TRIM10: variants seen among roughly 807,000 people sequenced by gnomAD.
TRIM10 encodes tripartite motif-containing protein 10.
A neutral mutation model predicts 40.0 loss-of-function variants in TRIM10; 42 were observed. That is an observed-to-expected ratio of 1.05 (90% CI 0.82 to 1.36). TRIM10 has a LOEUF of 1.36. Ranked by LOEUF, TRIM10 falls within the 40% of genes most tolerant of loss-of-function variation. The pLI is 0.00. For missense variants in TRIM10, 601 were observed against 608.3 expected (o/e 0.99, Z 0.13); for synonymous variants, 260 against 239.5 (o/e 1.09, Z -0.79).
rs1250724365 is a variant in TRIM10, at chr6:30,159,180, T to C, written c.495A>G (p.Ser165=). ...GGACTTGCATCCTTTTATTTTCTCT[T>C]GACTGGATTTCTTGAATCTCCTCTC... is the stretch of plus-strand genomic sequence containing the variant. ...KEREEIQEIQ[S]RENKRMQVLL... is the part of the protein sequence containing the mutation. The change falls in exon 2 of 7, where the codon TCA becomes TCG. Residue 165 remains serine (S), a synonymous_variant. Coordinates refer to ENST00000449742, the MANE Select transcript of TRIM10 (RefSeq NM_006778.4). 2 of 1,612,122 alleles carry C rather than the reference T, an allele frequency of 1.2e-6. No individual in the cohort carries two copies. Among genetic ancestry groups the C allele is most frequent in the Non-Finnish European group, 1.7e-6 (2 of 1,179,276 alleles).
upstream of TRIM10, chr6:30,163,674 A>G: frequency 1.9e-6 from 3 of 1,592,240 alleles, no homozygotes; most frequent in Non-Finnish European, 2.6e-6. Context: ...CGGGCTGGGG[A>G]AGGCACCGTG....
At chr6:30,163,943 G>A (rs758973481), upstream of TRIM10, 4 of 1,613,024 alleles carry the variant, frequency 2.5e-6, no homozygotes, top group Non-Finnish European at 3.4e-6. Flanking sequence ...CGAGGAGCAC[G>A]GCGAGAAGAT....
At chr6:30,162,733 G>A (rs1374930842), upstream of TRIM10, among the ~76,000 whole-genome samples, 1 of 152,076 alleles carries the variant, frequency 6.6e-6, no homozygotes, top group Non-Finnish European at 1.5e-5. Context: ...CATTTGGAAA[G>A]TCAGTTTACA....
chr6:30,154,238 C>T lies in TRIM10; in HGVS notation c.1177G>A (p.Glu393Lys), dbSNP rs759272791. The stretch of plus-strand genomic sequence containing the variant: ...CCCTCCTCTGGCCGCAGCCGAAGCT[C>T]CCCCTTCCGCTGCACATCCTCGCTC... ...VVSEDVQRKG[E>K]LRLRPEEGVW... The change falls in exon 7 of 7, where the codon GAG becomes AAG. Residue 393 changes from glutamate to lysine, a missense_variant. Glu to Lys is a moderately conservative substitution (Grantham distance 56). Coordinates refer to ENST00000449742, the MANE Select transcript of TRIM10 (RefSeq NM_006778.4). The T allele has an allele frequency of 3.7e-6, 6 of 1,612,962 alleles. No individual in the cohort carries two copies. The highest frequency in any genetic ancestry group is 4.2e-6 in the Non-Finnish European group (5 of 1,179,974).
At chr6:30,163,691 G>T (rs201508191), upstream of TRIM10, 4 of 1,605,172 alleles carry the variant, frequency 2.5e-6, no homozygotes, top group Non-Finnish European at 2.6e-6. Flanking sequence ...CGTGATGCCC[G>T]CAACCCCGTC....
chr6:30,163,869 A>G (rs755343917), upstream of TRIM10: 2 of 1,612,848 alleles, frequency 1.2e-6, no homozygotes, highest in East Asian at 4.5e-5. Context: ...CTCTGCCAAG[A>G]GGAGGAGCAG....
At chr6:30,161,995 G>A (rs931288853), upstream of TRIM10, among the ~76,000 whole-genome samples, 1 of 152,212 alleles carries the variant, frequency 6.6e-6, no homozygotes, top group Non-Finnish European at 1.5e-5. Flanking sequence ...CGGTGTGTTG[G>A]CCGGGCGCGG....
intron 5 of TRIM10, 79 bp from the exon 6 acceptor site, chr6:30,155,838 C>G: frequency 7.2e-7 from 1 of 1,393,562 alleles, no homozygotes; most frequent in Admixed American, 1.8e-5. Flanking sequence ...AAAACTGAGG[C>G]CAAGAAGAGG....
intron 6 of TRIM10, 53 bp downstream of exon 6, chr6:30,155,672 TTC>T: frequency 6.3e-7 from 1 of 1,589,044 alleles, no homozygotes; most frequent in Middle Eastern, 1.7e-4. Flanking sequence ...CTGCAAAATT[TTC>T]TCTCCTTTCC....
chr6:30,157,760 C>T (rs1967), intron 3 of TRIM10, among the ~76,000 whole-genome samples: 25,330 of 149,952 alleles, frequency 0.17, 2,546 homozygotes, highest in Middle Eastern at 0.28. Context: ...TATTTCTAGC[C>T]CTGGACAGGA....
chr6:30,156,227 C>T (rs1236804530), intron 5 of TRIM10, among the ~76,000 whole-genome samples: 1 of 152,134 alleles, frequency 6.6e-6, no homozygotes, highest in Non-Finnish European at 1.5e-5. Flanking sequence ...AGTGAAATTT[C>T]CTTCACTGAC....
Position 30,157,045 on chromosome 6 carries a change from G to A in TRIM10, c.789C>T (p.Thr263=), listed in dbSNP as rs1320800890. 5.0e-6 allele frequency: 8 copies of A among 1,612,876 alleles called. No homozygotes were observed. The highest frequency in any genetic ancestry group is 6.8e-6 in the Non-Finnish European group (8 of 1,179,998). ...CAGCCACCGGTTTCCGGCACTTTCT[G>A]GTTTCACATCTAGGGGCACAGAAAT... is the stretch of plus-strand genomic sequence containing the variant. The part of the protein sequence containing the change: ...DIRSTLIRCE[T]RKCRKPVAVS... The change falls in exon 5 of 7, where the codon ACC becomes ACT. Residue 263 remains threonine, a synonymous_variant. Coordinates refer to ENST00000449742, the MANE Select transcript of TRIM10 (RefSeq NM_006778.4).
rs1194269666 is a variant in TRIM10, at chr6:30,152,762, A to G, written c.*1207T>C. On this transcript the variant is annotated 3_prime_UTR_variant, in exon 7 of 7. Transcript: ENST00000449742. Reference sequence around the variant, plus strand: ...AAAATAAAATACAATAGTGACAAGAACAAGAAAATAAAACATGGTCACTCT... The same window carrying G: ...AAAATAAAATACAATAGTGACAAGAGCAAGAAAATAAAACATGGTCACTCT... 6.6e-6 allele frequency: 1 copy of G among 152,250 alleles called. No individual in the cohort carries two copies. 9.4% of individuals were successfully genotyped at this position (152,250 alleles called of 1,614,324 possible). A position where few individuals can be genotyped will look rare whatever the true frequency, so the allele number is the denominator to read the frequency against.
In TRIM10 at chr6:30,154,263, C is replaced by G; in HGVS notation, c.1152G>C (p.Val384=). Reference sequence around the variant, plus strand: ...CCCCCTTCCGCTGCACATCCTCGCTCACCACGCCCACGGTGCAGCTGCCCC... The same window carrying G: ...CCCCCTTCCGCTGCACATCCTCGCTGACCACGCCCACGGTGCAGCTGCCCC... ...AHGGSCTVGV[V]SEDVQRKGEL... Residue 384 remains valine (V), a synonymous_variant, in exon 7 of 7, where the codon GTG becomes GTC. Coordinates refer to ENST00000449742, the MANE Select transcript of TRIM10 (RefSeq NM_006778.4). 1.2e-6 allele frequency: 2 copies of G among 1,613,060 alleles called. No individual in the cohort carries two copies.
upstream of TRIM10, chr6:30,163,686 T>A (rs1581590262): frequency 6.2e-7 from 1 of 1,600,748 alleles, no homozygotes; most frequent in African/African-American, 1.3e-5. Flanking sequence ...GGCACCGTGA[T>A]GCCCGCAACC....
upstream of TRIM10, chr6:30,163,405 A>C (rs1773291720): frequency 5.5e-6 from 3 of 541,802 alleles, no homozygotes; most frequent in Non-Finnish European, 9.7e-6. Flanking sequence ...GAACTGGCTT[A>C]CTTGGCCGCC....
chr6:30,162,183 G>A (rs1047050541), upstream of TRIM10, among the ~76,000 whole-genome samples: 1 of 151,762 alleles, frequency 6.6e-6, no homozygotes, highest in Admixed American at 6.6e-5. Context: ...GGCTGAGGCA[G>A]GAGAATGGTG....
At chr6:30,159,375 C>G in intron 1 of TRIM10, 130 bp from the exon 2 acceptor site, 1 of 639,262 alleles carries the variant, frequency 1.6e-6, no homozygotes, top group Non-Finnish European at 2.8e-6. Context: ...TGACAATCCC[C>G]GAGCCTTCAC....
In TRIM10 at chr6:30,153,737, C is replaced by T; in HGVS notation, c.*232G>A. The T allele has an allele frequency of 1.2e-6, 2 of 1,613,052 alleles. No individual in the cohort carries two copies. Among genetic ancestry groups the T allele is most frequent in the Non-Finnish European group, 1.7e-6 (2 of 1,180,020 alleles). ...CACGGATGGTGGTGAGCAGAACTGG[C>T]AGCAGCCTGAGTCCCCAGGTACCCT... On this transcript the variant is annotated 3_prime_UTR_variant, in exon 7 of 7. Transcript: ENST00000449742.
Sources: gnomAD v4.1 joint callset for allele counts (sites outside exome capture counted in the v4.1 genomes callset) on GRCh38, gnomAD v4.1.1 for gene constraint, MANE v1.5 for transcripts, NCBI Gene and HGNC (gene_info 2026-07-23, HGNC 2026-07-21) for gene names.